CAMKK1: variants seen among roughly 807,000 people sequenced by gnomAD.
The protein encoded by CAMKK1 is calcium/calmodulin dependent protein kinase kinase 1.
CAMKK1 carries 20 observed loss-of-function variants against 63.5 expected under a neutral mutation model. That is an observed-to-expected ratio of 0.32 (90% CI 0.22 to 0.46). The LOEUF is 0.46. Among genes scored for constraint, CAMKK1 ranks in the 20% least tolerant of loss-of-function variants. The probability of loss-of-function intolerance (pLI) is 1.00; values close to 1 mark genes in which losing one functional copy is unlikely to be tolerated. For synonymous variants in CAMKK1, 253 were observed against 269.0 expected, an observed-to-expected ratio of 0.94 and a Z score of 0.58; for missense variants, 588 against 658.1, an observed-to-expected ratio of 0.89 and a Z score of 1.17.
rs1188422807 is a variant in CAMKK1, at chr17:3,876,235, G to A, written c.984C>T (p.Ser328=). ...APEAISDSGQ[S]FSGKALDVWA... is the part of the protein sequence containing the mutation. ...GCCTGCGAGTCACCTTCCCACTGAA[G>A]CTCTGGCCGGAATCAGAAATGGCCT... The change falls in exon 10 of 16, where the codon AGC becomes AGT. Residue 328 remains serine, a synonymous_variant. Coordinates refer to ENST00000348335, the MANE Select transcript of CAMKK1 (RefSeq NM_032294.3). The A allele has an allele frequency of 6.2e-7, 1 of 1,613,986 alleles. No homozygotes were observed. The highest frequency in any genetic ancestry group is 8.5e-7 in the Non-Finnish European group (1 of 1,180,000).
intron 1 of CAMKK1, among the ~76,000 whole-genome samples, chr17:3,891,871 G>T (rs1160630030): frequency 2.0e-5 from 3 of 152,158 alleles, no homozygotes; most frequent in African/African-American, 7.2e-5. Context: ...AAGCCAGGGG[G>T]AGGTTGTGAG....
At position 3,883,874 on chromosome 17, in the gene CAMKK1, C is replaced by A. The variant is rs1234338556; in HGVS notation, c.462+10G>T. ...CTTGGGCAACACCTCCCTCGTATCCCCAGACTCACATAGTGTCTGTCTTCA... is the reference window on the plus strand; with the variant it reads ...CTTGGGCAACACCTCCCTCGTATCCACAGACTCACATAGTGTCTGTCTTCA... On this transcript the variant is annotated intron_variant, in intron 4 of 15. Transcript: ENST00000348335. The surrounding 1 kb of genome is among the most constrained non-coding windows in gnomAD (Gnocchi z 4.7). 1 of 1,613,558 alleles carries A rather than the reference C, an allele frequency of 6.2e-7. No homozygotes were observed. The highest frequency in any genetic ancestry group is 1.3e-5 in the African/African-American group (1 of 74,994).
At chr17:3,865,599 A>T (rs1174007752) in intron 15 of CAMKK1, 1 of 1,189,328 alleles carries the variant, frequency 8.4e-7, no homozygotes, top group Non-Finnish European at 1.1e-6. Flanking sequence ...CCAGTGAGAG[A>T]GTGACATCAA....
Position 3,884,349 on chromosome 17 carries a change from C to T in CAMKK1, c.408+31G>A. 6.2e-7 allele frequency: 1 copy of T among 1,610,096 alleles called. No homozygotes were observed. Among genetic ancestry groups the T allele is most frequent in the African/African-American group, 1.3e-5 (1 of 74,946 alleles). ...CAGCGCCAAACAGAGAATCCCGAAG[C>T]CCCCACTGCTCTCGGCCTGCCCACT... On this transcript the variant is annotated intron_variant, in intron 3 of 15. Transcript: ENST00000348335. This position sits in a 1 kb window ranked among gnomAD's most constrained non-coding sequence, Gnocchi z 4.5.
intron 10 of CAMKK1, among the ~76,000 whole-genome samples, chr17:3,873,867 C>T (rs2055019488): frequency 6.6e-6 from 1 of 152,058 alleles, no homozygotes. Flanking sequence ...CCTCATAATC[C>T]ACCTTCTTCC....
Position 3,873,377 on chromosome 17 carries a change from G to A in CAMKK1, c.1050+32C>T, listed in dbSNP as rs774091281. On this transcript the variant is annotated intron_variant, in intron 11 of 15. Coordinates refer to ENST00000348335, the MANE Select transcript of CAMKK1 (RefSeq NM_032294.3). ...CGCCCGTGCCCGCCTCACTGGACCC[G>A]CCCCAGCTCTGCTGGCATCCCTGGC... 29 of 1,610,756 alleles carry A rather than the reference G, an allele frequency of 1.8e-5. 1 individual carries two copies. Among genetic ancestry groups the A allele is most frequent in the Middle Eastern group, 1.6e-4 (1 of 6,078 alleles).
Position 3,885,711 on chromosome 17 carries a change from T to C in CAMKK1, c.-24A>G. The C allele has an allele frequency of 1.2e-6, 2 of 1,608,756 alleles. No individual in the cohort carries two copies. The highest frequency in any genetic ancestry group is 1.7e-6 in the Non-Finnish European group (2 of 1,179,486). On this transcript the variant is annotated 5_prime_UTR_variant, in exon 2 of 16. Transcript: ENST00000348335. ...ATTGCTTCAGTCAAGGGGGTTCTTC[T>C]GCGTAGCCTTGTTGGGAACCTGAGA...
At position 3,889,932 on chromosome 17, in the gene CAMKK1, C is replaced by T. The variant is rs115577693; in HGVS notation, c.-44+3007G>A. The stretch of plus-strand genomic sequence containing the variant: ...TAGCTCCACCTGGGAGCTGGTCAGG[C>T]CCTGGTCAGGCCTCATTCTGAGCGC... On this transcript the variant is annotated intron_variant, in intron 1 of 15. Coordinates refer to ENST00000348335, the MANE Select transcript of CAMKK1 (RefSeq NM_032294.3). This position sits in a 1 kb window ranked among gnomAD's most constrained non-coding sequence, Gnocchi z 5.2. Among the ~76,000 whole-genome samples the T allele has an allele frequency of 0.035, 5,353 of 152,326 alleles. 181 individuals are homozygous for T. The highest frequency in any genetic ancestry group is 0.092 in the African/African-American group (3,807 of 41,552).
rs528315434 is a variant in CAMKK1 at position 3,875,108 on chromosome 17, C to T, written c.996+1115G>A. ...CTGCACTCCAGCCTGGGCGACAGAGCGAGACTCCGGCTCAAAAAAAAAGAA... is the reference window on the plus strand; with the variant it reads ...CTGCACTCCAGCCTGGGCGACAGAGTGAGACTCCGGCTCAAAAAAAAAGAA... On this transcript the variant is annotated intron_variant, in intron 10 of 15. Coordinates refer to ENST00000348335, the MANE Select transcript of CAMKK1 (RefSeq NM_032294.3). Among the ~76,000 whole-genome samples the T allele has an allele frequency of 4.6e-5, 7 of 151,610 alleles. No individual in the cohort carries two copies. In the South Asian group the frequency reaches 1.3e-3, roughly 27 times the overall value.
chr17:3,869,012 AG>A (rs2054710290), intron 14 of CAMKK1, among the ~76,000 whole-genome samples: 1 of 142,406 alleles, frequency 7.0e-6, no homozygotes, highest in African/African-American at 2.6e-5. Context: ...TCTGTGGCCC[AG>A]GCTGGAGTGC....
chr17:3,876,134 T>C (rs538943427), intron 10 of CAMKK1, 89 bp downstream of exon 10: 2 of 1,254,088 alleles, frequency 1.6e-6, no homozygotes, highest in East Asian at 2.5e-5. Flanking sequence ...ACAAAGACCC[T>C]GGCACCCTCA....
chr17:3,891,212 C>A (rs1049804285), intron 1 of CAMKK1, among the ~76,000 whole-genome samples: 8 of 151,936 alleles, frequency 5.3e-5, no homozygotes, highest in African/African-American at 1.9e-4. Context: ...TCTGTGCAAG[C>A]CTGTGTGGGG....
rs2054633347 is a variant in CAMKK1, at chr17:3,868,141, AAG to A, written c.1341+1344_1341+1345del. Among the ~76,000 whole-genome samples, 2 of 28,030 alleles carry A rather than the reference AAG, an allele frequency of 7.1e-5. 1 individual carries two copies. The highest frequency in any genetic ancestry group is 6.4e-4 in the Admixed American group (2 of 3,142). 18.4% of individuals were successfully genotyped at this position (28,030 alleles called of 152,430 possible). ...AACTGATACGTGGGCTCTGGGGGAG[AAG>A]CAGGCGCCGTCTAACTGATACGTGG... On this transcript the variant is annotated intron_variant, in intron 14 of 15. Coordinates refer to ENST00000348335, the MANE Select transcript of CAMKK1 (RefSeq NM_032294.3).
chr17:3,872,706 TG>T, intron 11 of CAMKK1, 79 bp from the exon 12 acceptor site: 1 of 1,226,172 alleles, frequency 8.2e-7, no homozygotes, highest in Admixed American at 1.7e-5. Flanking sequence ...CCTCCCTTGG[TG>T]GGGGCAGGGG....
chr17:3,880,039 G>A, intron 9 of CAMKK1: 1 of 371,734 alleles, frequency 2.7e-6, no homozygotes, highest in Non-Finnish European at 5.0e-6. Context: ...CACATCTCTT[G>A]AAGCCCCGTG....
At position 3,890,869 on chromosome 17, in the gene CAMKK1, A is replaced by C. The variant is rs546646780; in HGVS notation, c.-44+2070T>G. 1 of 723,840 alleles carries C rather than the reference A, an allele frequency of 1.4e-6. No homozygotes were observed. Among genetic ancestry groups the C allele is most frequent in the Non-Finnish European group, 2.6e-6 (1 of 387,424 alleles). 44.8% of individuals were successfully genotyped at this position (723,840 alleles called of 1,614,324 possible). A position where few individuals can be genotyped will look rare whatever the true frequency, so the allele number is the denominator to read the frequency against. On this transcript the variant is annotated intron_variant, in intron 1 of 15. Coordinates refer to ENST00000348335, the MANE Select transcript of CAMKK1 (RefSeq NM_032294.3). This position sits in a 1 kb window ranked among gnomAD's most constrained non-coding sequence, Gnocchi z 6.5. ...TGATCTCCCCACTACCTGCTGGGTG[A>C]GCTCACCAAGTCAAACCCCTTAGAA...
At chr17:3,886,690 C>A (rs1202254409) in intron 1 of CAMKK1, among the ~76,000 whole-genome samples, 1 of 152,038 alleles carries the variant, frequency 6.6e-6, no homozygotes, top group Non-Finnish European at 1.5e-5. Context: ...GGCATGACAT[C>A]CCCTGAGACT....
intron 9 of CAMKK1, among the ~76,000 whole-genome samples, chr17:3,878,372 G>A (rs1249642751): frequency 2.6e-5 from 4 of 152,216 alleles, no homozygotes; most frequent in Admixed American, 6.5e-5. Flanking sequence ...GTCCTGATGA[G>A]GCTTTACCCA....
intron 10 of CAMKK1, among the ~76,000 whole-genome samples, chr17:3,874,429 T>C (rs1473832639): frequency 6.6e-6 from 1 of 152,174 alleles, no homozygotes; most frequent in Non-Finnish European, 1.5e-5. Context: ...TAGAGTGCAA[T>C]AGCACGATCT....
Sources: allele counts gnomAD v4.1 joint callset (sites outside exome capture counted in the v4.1 genomes callset), GRCh38; gene constraint gnomAD v4.1.1; non-coding constraint Gnocchi (gnomAD v3.1); transcripts MANE v1.5; gene names NCBI Gene and HGNC (gene_info 2026-07-23, HGNC 2026-07-21).